Variants in FBF1 observed in about 807,000 individuals in gnomAD.
The protein encoded by FBF1 is Fas binding factor 1.
Under a neutral mutation model 147.2 loss-of-function variants are expected in FBF1, and 119 were observed. That is an observed-to-expected ratio of 0.81 (90% CI 0.70 to 0.94). FBF1 has a LOEUF of 0.94. Ranked by LOEUF, FBF1 falls within the 40% of genes least tolerant of loss-of-function variation. The pLI is 0.00. For synonymous variants in FBF1, 601 were observed against 609.0 expected, an observed-to-expected ratio of 0.99 and a Z score of 0.19; for missense variants, 1,449 against 1,500.8, an observed-to-expected ratio of 0.97 and a Z score of 0.57.
intron 6 of FBF1, among the ~76,000 whole-genome samples, chr17:75,930,360 G>A (rs1026288190): frequency 6.6e-6 from 1 of 152,212 alleles, no homozygotes; most frequent in Non-Finnish European, 1.5e-5. Flanking sequence ...CAGCTATGGA[G>A]TTTATAAGGG....
intron 6 of FBF1, 48 bp downstream of exon 6, chr17:75,931,181 G>C: frequency 1.9e-6 from 3 of 1,549,624 alleles, no homozygotes; most frequent in African/African-American, 1.4e-5. Flanking sequence ...ACCCATCTCA[G>C]TGTTTCTGGG....
In FBF1 at chr17:75,927,170, A is replaced by G. The variant is rs114967139; in HGVS notation, c.475+285T>C. ...GGCCTTCTGGAAATGTCCCTCAAGC[A>G]TCAGAAGAGAAGTAAAATATCCACA... On this transcript the variant is annotated intron_variant, in intron 9 of 29. Transcript: ENST00000636174. 5.9e-3 allele frequency among the ~76,000 whole-genome samples: 900 copies of G among 152,354 alleles called. 12 individuals are homozygous for G. The highest frequency in any genetic ancestry group is 0.02 in the African/African-American group (841 of 41,592).
chr17:75,914,599 G>T, intron 25 of FBF1, 148 bp downstream of exon 25: 1 of 860,512 alleles, frequency 1.2e-6, no homozygotes, highest in Non-Finnish European at 1.7e-6. Context: ...GAAGATGTTA[G>T]CATGATGATG....
In FBF1 at chr17:75,914,820, C is replaced by G; in HGVS notation, c.2741G>C (p.Arg914Pro). ...TGCCCGCTCGGCCTCGCGCTCGGCC[C>G]GCTCCTTACTCAGCTTTTGCTGCGC... The part of the protein sequence containing the change: ...FSAQQKLSKE[R>P]AEREAERALQ... The change falls in exon 25 of 30, where the codon CGG (arginine) becomes CCG (proline). Residue 914 changes from arginine to proline, a missense_variant. By Grantham distance (103) the Arg-to-Pro change is moderately radical (BLOSUM62 -2). Transcript: ENST00000636174. 2 of 1,594,956 alleles carry G rather than the reference C, an allele frequency of 1.3e-6. No homozygotes were observed. Among genetic ancestry groups the G allele is most frequent in the Non-Finnish European group, 8.5e-7 (1 of 1,173,344 alleles).
chr17:75,915,203 C>T, intron 23 of FBF1, 64 bp from the exon 24 acceptor site: 1 of 1,539,934 alleles, frequency 6.5e-7, no homozygotes, highest in Non-Finnish European at 8.7e-7. Flanking sequence ...CTGGCCACTC[C>T]CTGAGAAGCT....
Position 75,919,837 on chromosome 17 carries a change from G to A in FBF1, c.1969C>T (p.Arg657Trp), listed in dbSNP as rs757000651. 1.6e-5 allele frequency: 26 copies of A among 1,613,688 alleles called. No individual in the cohort carries two copies. Among genetic ancestry groups the A allele is most frequent in the South Asian group, 4.4e-5 (4 of 91,090 alleles). ...IKVLETSYQQ[R>W]EERLRRENEE... is the part of the protein sequence containing the mutation. ...TTCTCTCTCCGGAGCCGCTCCTCCC[G>A]TTGCTGGTACGATGTTTCTAGCACC... Residue 657 changes from arginine to tryptophan, a missense_variant, in exon 20 of 30, where the codon CGG becomes TGG. Arg to Trp is a moderately radical substitution (Grantham distance 101). Coordinates refer to ENST00000636174, the MANE Select transcript of FBF1 (RefSeq NM_001319193.2). The surrounding 1 kb of genome is among the most constrained non-coding windows in gnomAD (Gnocchi z 5.0).
In FBF1 at chr17:75,910,410, G is replaced by T; in HGVS notation, c.*313C>A. On this transcript the variant is annotated 3_prime_UTR_variant, in exon 30 of 30. Transcript: ENST00000636174. The surrounding 1 kb of genome is among the most constrained non-coding windows in gnomAD (Gnocchi z 4.1). Reference sequence around the variant, plus strand: ...CAGGGGGAGCCCACAGAGCCCAGGGGGAGCCCACAGAGCCCAGTGAGAGCT... The same window carrying T: ...CAGGGGGAGCCCACAGAGCCCAGGGTGAGCCCACAGAGCCCAGTGAGAGCT... 1 of 390,088 alleles carries T rather than the reference G, an allele frequency of 2.6e-6. No homozygotes were observed. Among genetic ancestry groups the T allele is most frequent in the Non-Finnish European group, 4.7e-6 (1 of 211,650 alleles). 24.2% of individuals were successfully genotyped at this position (390,088 alleles called of 1,614,324 possible).
Position 75,928,690 on chromosome 17 carries a change from C to T in FBF1, c.280-497G>A, listed in dbSNP as rs1001899299. Among the ~76,000 whole-genome samples, 2 of 148,896 alleles carry T rather than the reference C, an allele frequency of 1.3e-5. No individual in the cohort carries two copies. Among genetic ancestry groups the T allele is most frequent in the African/African-American group, 5.2e-5 (2 of 38,506 alleles). On this transcript the variant is annotated intron_variant, in intron 7 of 29. Transcript: ENST00000636174. The surrounding 1 kb of genome is among the most constrained non-coding windows in gnomAD (Gnocchi z 4.2). Reference sequence around the variant, plus strand: ...GGGTGTGGTGGTGCACGCCTGTAATCCCAGCTACTTGGGAGGCTGAGGTAG... The same window carrying T: ...GGGTGTGGTGGTGCACGCCTGTAATTCCAGCTACTTGGGAGGCTGAGGTAG...
rs139191003 is a variant in FBF1 at position 75,923,638 on chromosome 17, C to G, written c.972G>C (p.Arg324Ser). Residue 324 changes from arginine (R) to serine (S), a missense_variant, in exon 14 of 30, where the codon AGG becomes AGC. Transcript: ENST00000636174. This position sits in a 1 kb window ranked among gnomAD's most constrained non-coding sequence, Gnocchi z 4.1. ...GGTCTGCGCCACTGTCTGCGAAGAA[C>G]CTACTTCAAGACAGAAAGGAGGGTG... ...GRQSRRQSVSRFFADSGADPK... is the reference protein window; with the variant it reads ...GRQSRRQSVSSFFADSGADPK... 6 of 1,597,430 alleles carry G rather than the reference C, an allele frequency of 3.8e-6. No homozygotes were observed. The highest frequency in any genetic ancestry group is 1.3e-5 in the African/African-American group (1 of 74,602).
chr17:75,914,732 G>A lies in FBF1; in HGVS notation c.2814+15C>T. 1.3e-6 allele frequency: 2 copies of A among 1,542,410 alleles called. No homozygotes were observed. The highest frequency in any genetic ancestry group is 1.7e-6 in the Non-Finnish European group (2 of 1,143,318). On this transcript the variant is annotated intron_variant, in intron 25 of 29. Coordinates refer to ENST00000636174, the MANE Select transcript of FBF1 (RefSeq NM_001319193.2). ...AACCCTGGGCCCTCCACTGTCCGGA[G>A]GCTCTGGGCCCTACCTTGGCCAGGC...
intron 3 of FBF1, among the ~76,000 whole-genome samples, chr17:75,937,153 A>G (rs1400675953): frequency 6.6e-6 from 1 of 152,080 alleles, no homozygotes; most frequent in Non-Finnish European, 1.5e-5. Context: ...AATGGGAAGA[A>G]CAGCAAGACT....
chr17:75,931,378 AT>A lies in FBF1; in HGVS notation c.168-90del, dbSNP rs2065593862. The A allele has an allele frequency of 3.4e-6, 4 of 1,171,626 alleles. 1 individual carries two copies. Among genetic ancestry groups the A allele is most frequent in the Non-Finnish European group, 4.9e-6 (4 of 809,294 alleles). The allele number at this position is 1,171,626 out of a possible 1,614,324, so 72.6% of individuals were successfully genotyped here. A position where few individuals can be genotyped will look rare whatever the true frequency, so the allele number is the denominator to read the frequency against. On this transcript the variant is annotated intron_variant, in intron 5 of 29. Transcript: ENST00000636174. ...AGGAGTAGCTTAGAAAGCCCAAGGA[AT>A]CTCGGATAGGTCTCTCCGGAGAACA...
In FBF1 at chr17:75,910,412, A is replaced by G. The variant is rs936230331; in HGVS notation, c.*311T>C. On this transcript the variant is annotated 3_prime_UTR_variant, in exon 30 of 30. Transcript: ENST00000636174. This position sits in a 1 kb window ranked among gnomAD's most constrained non-coding sequence, Gnocchi z 4.1. Reference sequence around the variant, plus strand: ...GGGGGAGCCCACAGAGCCCAGGGGGAGCCCACAGAGCCCAGTGAGAGCTGG... The same window carrying G: ...GGGGGAGCCCACAGAGCCCAGGGGGGGCCCACAGAGCCCAGTGAGAGCTGG... 1.0e-5 allele frequency: 4 copies of G among 383,382 alleles called. No individual in the cohort carries two copies. The highest frequency in any genetic ancestry group is 3.2e-5 in the South Asian group (1 of 31,700). 23.7% of individuals were successfully genotyped at this position (383,382 alleles called of 1,614,324 possible). A position where few individuals can be genotyped will look rare whatever the true frequency, so the allele number is the denominator to read the frequency against.
chr17:75,929,237 A>G (rs2065580161), intron 7 of FBF1, among the ~76,000 whole-genome samples: 1 of 152,128 alleles, frequency 6.6e-6, no homozygotes, highest in Admixed American at 6.6e-5. Flanking sequence ...TTGGGAGGCC[A>G]AGGTAAGAGA....
rs761534803 is a variant in FBF1 at position 75,915,182 on chromosome 17, G to A, written c.2506-43C>T. On this transcript the variant is annotated intron_variant, in intron 23 of 29. Transcript: ENST00000636174. ...GGACTGAGAGCGTGGTTCCCGCCCT[G>A]AGGATCACGCCTGGCCACTCCCTGA... 2.5e-6 allele frequency: 4 copies of A among 1,581,040 alleles called. No homozygotes were observed. In the Admixed American group the frequency reaches 5.2e-5, roughly 21 times the overall value.
chr17:75,914,449 A>G, intron 25 of FBF1, 151 bp from the exon 26 acceptor site: 1 of 1,235,590 alleles, frequency 8.1e-7, no homozygotes, highest in Non-Finnish European at 1.1e-6. Flanking sequence ...CCTGGGGCCA[A>G]GCCGGAGTGC....
chr17:75,911,601 C>T (rs997663758), intron 29 of FBF1, among the ~76,000 whole-genome samples: 1 of 152,198 alleles, frequency 6.6e-6, no homozygotes, highest in Non-Finnish European at 1.5e-5. Context: ...TCACTGCAGC[C>T]TCGACCTCCC....
intron 5 of FBF1, among the ~76,000 whole-genome samples, chr17:75,932,692 C>A (rs1157093754): frequency 6.6e-6 from 1 of 152,114 alleles, no homozygotes; most frequent in Admixed American, 6.6e-5. Context: ...TTGAGACCAG[C>A]CTGACCAATA....
In FBF1 at chr17:75,918,334, T is replaced by A. The variant is rs2065502600; in HGVS notation, c.2139-65A>T. ...GGATCACCCTGATGCGGTAACTCCT[T>A]GTGGAAGGGTGTGTTTCCGTGCAGC... On this transcript the variant is annotated intron_variant, in intron 20 of 29. Coordinates refer to ENST00000636174, the MANE Select transcript of FBF1 (RefSeq NM_001319193.2). The surrounding 1 kb of genome is among the most constrained non-coding windows in gnomAD (Gnocchi z 5.8). 1.5e-6 allele frequency: 2 copies of A among 1,345,492 alleles called. No homozygotes were observed. The highest frequency in any genetic ancestry group is 1.4e-5 in the African/African-American group (1 of 69,524). 83.3% of individuals were successfully genotyped at this position (1,345,492 alleles called of 1,614,324 possible).
Sources: gnomAD v4.1 joint callset for allele counts (sites outside exome capture counted in the v4.1 genomes callset) on GRCh38, gnomAD v4.1.1 for gene constraint, Gnocchi (gnomAD v3.1) non-coding constraint, MANE v1.5 for transcripts, NCBI Gene and HGNC (gene_info 2026-07-23, HGNC 2026-07-21) for gene names.